Variants in SYT3 observed in about 807,000 individuals in gnomAD.
SYT3 encodes the protein synaptotagmin 3.
SYT3 carries 25 observed loss-of-function variants against 50.6 expected under a neutral mutation model. That is an observed-to-expected ratio of 0.49 (90% CI 0.36 to 0.69). The LOEUF is 0.69. Ranked by LOEUF, SYT3 falls within the 30% of genes least tolerant of loss-of-function variation. The pLI, the probability that SYT3 is intolerant of heterozygous loss-of-function variation, is 0.00. For missense variants in SYT3, 589 were observed against 793.6 expected (o/e 0.74, Z 3.10); for synonymous variants, 323 against 353.9 (o/e 0.91, Z 0.98).
At chr19:50,624,367 T>C (rs1054821482) in intron 9 of SYT3, among the ~76,000 whole-genome samples, 4 of 152,154 alleles carry the variant, frequency 2.6e-5, no homozygotes, top group Non-Finnish European at 4.4e-5. Context: ...ATTCACAACA[T>C]TATTTTACAT....
At chr19:50,648,605 C>T in the SYT3 span, among the ~76,000 whole-genome samples, 1 of 84,862 alleles carries the variant, frequency 1.2e-5, no homozygotes, top group African/African-American at 6.5e-5. Context: ...ACCCAGAAGT[C>T]CAGGCCCCCA....
intron 3 of SYT3, among the ~76,000 whole-genome samples, chr19:50,633,067 G>A (rs1984377836): frequency 1.3e-5 from 2 of 152,044 alleles, no homozygotes; most frequent in African/African-American, 4.8e-5. Context: ...CTGCACCCTC[G>A]AACTCTTGGG....
At chr19:50,654,613 C>T in the SYT3 span, among the ~76,000 whole-genome samples, 1 of 149,136 alleles carries the variant, frequency 6.7e-6, no homozygotes, top group Non-Finnish European at 1.5e-5. Flanking sequence ...CTCCCTCCCT[C>T]CCTTCCTTCC....
At chr19:50,651,278 C>A in the SYT3 span, among the ~76,000 whole-genome samples, 3 of 152,164 alleles carry the variant, frequency 2.0e-5, no homozygotes, top group Non-Finnish European at 4.4e-5. Context: ...TTCTCTTTTG[C>A]TCAAAAACCT....
At chr19:50,650,056 C>T in the SYT3 span, among the ~76,000 whole-genome samples, 1 of 152,178 alleles carries the variant, frequency 6.6e-6, no homozygotes, top group Admixed American at 6.5e-5. Flanking sequence ...CCTCTCCTCA[C>T]CTCCTCCCTG....
rs767210621 is a variant in SYT3 at position 50,630,189 on chromosome 19, G to A, written c.675-18C>T. On this transcript the variant is annotated intron_variant, in intron 4 of 10. Coordinates refer to ENST00000600079, the MANE Select transcript of SYT3 (RefSeq NM_001160329.2). Reference sequence around the variant, plus strand: ...CTGGGTACCTGTAGGGGGTTGGGGGGAGACCAAGGTGAGGTCAGTGGCTCT... The same window carrying A: ...CTGGGTACCTGTAGGGGGTTGGGGGAAGACCAAGGTGAGGTCAGTGGCTCT... The A allele has an allele frequency of 2.5e-5, 38 of 1,500,172 alleles. 1 individual carries two copies. The highest frequency in any genetic ancestry group is 2.6e-5 in the Non-Finnish European group (29 of 1,125,268). The allele number at this position is 1,500,172 out of a possible 1,614,324, so 92.9% of individuals were successfully genotyped here.
rs572798284 is a variant in SYT3 at position 50,624,087 on chromosome 19, T to G, written c.1707+1075A>C. Among the ~76,000 whole-genome samples the G allele has an allele frequency of 4.6e-5, 7 of 151,892 alleles. No homozygotes were observed. The East Asian group carries it at 1.4e-3, about 30-fold the overall frequency. Reference sequence around the variant, plus strand: ...AAGAGATCCTCCTGCCTCAGCCTCCTGAGTAGCAGGGACTATAAGCACACA... The same window carrying G: ...AAGAGATCCTCCTGCCTCAGCCTCCGGAGTAGCAGGGACTATAAGCACACA... On this transcript the variant is annotated intron_variant, in intron 9 of 10. Transcript: ENST00000600079.
At chr19:50,650,795 C>G in the SYT3 span, among the ~76,000 whole-genome samples, 1 of 152,250 alleles carries the variant, frequency 6.6e-6, no homozygotes, top group East Asian at 1.9e-4. Context: ...GCCCTGATGG[C>G]AAAACAGGCG....
chr19:50,623,824 A>G (rs976744768), intron 9 of SYT3, among the ~76,000 whole-genome samples: 1 of 151,766 alleles, frequency 6.6e-6, no homozygotes, highest in African/African-American at 2.4e-5. Flanking sequence ...TAATAATAAT[A>G]ATGCAAGATT....
chr19:50,631,296 A>G (rs1444080377), intron 4 of SYT3, among the ~76,000 whole-genome samples: 1 of 151,504 alleles, frequency 6.6e-6, no homozygotes, highest in Non-Finnish European at 1.5e-5. Context: ...GATTACAGAC[A>G]CACACAACCA....
chr19:50,644,496 G>A (rs1984730915), upstream of SYT3, among the ~76,000 whole-genome samples: 1 of 152,006 alleles, frequency 6.6e-6, no homozygotes, highest in Admixed American at 6.6e-5. Context: ...TTGGTGGATA[G>A]ATGGATGGAT....
chr19:50,658,105 T>C, the SYT3 span: 9 of 1,533,824 alleles, frequency 5.9e-6, no homozygotes, highest in Non-Finnish European at 7.9e-6. Flanking sequence ...ACGTCATCTG[T>C]GGGACTGCTG....
At chr19:50,626,232 T>G in intron 6 of SYT3, 1 of 602,538 alleles carries the variant, frequency 1.7e-6, no homozygotes, top group East Asian at 3.9e-5. Context: ...CAGGAAAGAT[T>G]GGAAGAAGCA....
chr19:50,649,164 GGA>G, the SYT3 span, among the ~76,000 whole-genome samples: 10 of 149,874 alleles, frequency 6.7e-5, no homozygotes, highest in Non-Finnish European at 8.9e-5. Flanking sequence ...GAAGGGAGGT[GGA>G]GAGAGAGGGG....
At chr19:50,643,330 G>T (rs977116274), upstream of SYT3, among the ~76,000 whole-genome samples, 3 of 151,914 alleles carry the variant, frequency 2.0e-5, no homozygotes, top group South Asian at 2.1e-4. Flanking sequence ...AATGGAGGCT[G>T]CCCAGAGTCC....
the SYT3 span, chr19:50,656,428 G>T: frequency 1.4e-6 from 2 of 1,449,478 alleles, no homozygotes; most frequent in Non-Finnish European, 1.8e-6. Flanking sequence ...AGTGTGGCCA[G>T]AGTTTAAATT....
intron 5 of SYT3, 114 bp from the exon 6 acceptor site, chr19:50,629,626 C>G (rs1416972074): frequency 2.3e-6 from 2 of 880,106 alleles, no homozygotes; most frequent in African/African-American, 3.0e-5. Context: ...TCCAGGCCCC[C>G]AGCCCCTCCT....
At chr19:50,656,358 T>C in the SYT3 span, 3 of 1,529,848 alleles carry the variant, frequency 2.0e-6, no homozygotes, top group Non-Finnish European at 2.6e-6. Context: ...TGAGTGGACC[T>C]GTGCCCTTAT....
At position 50,632,311 on chromosome 19, in the gene SYT3, C is replaced by A. The variant is rs201030888; in HGVS notation, c.649G>T (p.Val217Phe). ...CTGGTAGTGGGTGCCAGGCTTGTGA[C>A]CTGCTGATGTGACTGGGCACTGGGC... ...GLPSAQSHQQVTSLAPTTRYP... is the reference protein window; with the variant it reads ...GLPSAQSHQQFTSLAPTTRYP... The change falls in exon 4 of 11, where the codon GTC becomes TTC. Residue 217 changes from valine to phenylalanine, a missense_variant. By Grantham distance (50) the Val-to-Phe change is conservative (BLOSUM62 -1). Coordinates refer to ENST00000600079, the MANE Select transcript of SYT3 (RefSeq NM_001160329.2). This position sits in a 1 kb window ranked among gnomAD's most constrained non-coding sequence, Gnocchi z 4.7. The A allele has an allele frequency of 7.4e-5, 117 of 1,583,680 alleles. No individual in the cohort carries two copies. Among genetic ancestry groups the A allele is most frequent in the Middle Eastern group, 1.7e-4 (1 of 5,956 alleles).
Sources: gnomAD v4.1 joint callset for allele counts (sites outside exome capture counted in the v4.1 genomes callset) on GRCh38, gnomAD v4.1.1 for gene constraint, Gnocchi (gnomAD v3.1) non-coding constraint, MANE v1.5 for transcripts, NCBI Gene and HGNC (gene_info 2026-07-23, HGNC 2026-07-21) for gene names.